RIT2: variants seen among roughly 807,000 people sequenced by gnomAD.
RIT2 encodes Ras like without CAAX 2, also known as GTP-binding protein Rit2.
Under a neutral mutation model 23.7 loss-of-function variants are expected in RIT2, and 24 were observed. The observed-to-expected ratio is 1.01, with a 90% CI of 0.73 to 1.43. RIT2 has a LOEUF of 1.43. Ranked by LOEUF, RIT2 falls within the 40% of genes most tolerant of loss-of-function variation. The pLI, the probability that RIT2 is intolerant of heterozygous loss-of-function variation, is 0.00. For synonymous variants in RIT2, 107 were observed against 91.1 expected (o/e 1.17, Z -0.99); for missense variants, 236 against 266.9 (o/e 0.88, Z 0.81).
chr18:43,007,670 A>G (rs1299667418), intron 2 of RIT2, among the ~76,000 whole-genome samples: 2 of 151,712 alleles, frequency 1.3e-5, no homozygotes, highest in Non-Finnish European at 3.0e-5. Flanking sequence ...TTGGAACATC[A>G]TTAAGGACAA....
In RIT2 at chr18:42,754,159, G is replaced by A. The variant is rs558315241; in HGVS notation, c.427-10439C>T. ...GTGAGGAGATGTCAGTAACTTCTTA[G>A]CACGTCCCTCTTTTAGGAGGGATTA... is the stretch of plus-strand genomic sequence containing the variant. On this transcript the variant is annotated intron_variant, in intron 4 of 4. Coordinates refer to ENST00000326695, the MANE Select transcript of RIT2 (RefSeq NM_002930.4). Among the ~76,000 whole-genome samples the A allele has an allele frequency of 7.9e-5, 12 of 152,282 alleles. No individual in the cohort carries two copies. The East Asian group carries it at 2.3e-3, about 29-fold the overall frequency.
At chr18:43,091,335 G>C (rs1043350442) in intron 1 of RIT2, among the ~76,000 whole-genome samples, 4 of 151,996 alleles carry the variant, frequency 2.6e-5, no homozygotes, top group African/African-American at 9.7e-5. Flanking sequence ...TTAAGACAGA[G>C]ACATGCTTTA....
At chr18:42,802,902 C>CT (rs974483112) in intron 4 of RIT2, among the ~76,000 whole-genome samples, 3 of 152,156 alleles carry the variant, frequency 2.0e-5, no homozygotes, top group African/African-American at 4.8e-5. Flanking sequence ...TTATTTCCAG[C>CT]TTTTTTTGTG....
intron 1 of RIT2, among the ~76,000 whole-genome samples, chr18:43,059,450 A>C (rs992996647): frequency 4.6e-5 from 7 of 152,168 alleles, no homozygotes; most frequent in African/African-American, 2.4e-5. Flanking sequence ...TCAGGAGTTA[A>C]TAGCAGTTAT....
intron 4 of RIT2, among the ~76,000 whole-genome samples, chr18:42,772,338 T>C (rs1208075193): frequency 6.6e-6 from 1 of 152,156 alleles, no homozygotes; most frequent in African/African-American, 2.4e-5. Flanking sequence ...ATAGTTTTTA[T>C]CTCAAAGTAA....
At chr18:42,912,685 T>C (rs927655081) in intron 4 of RIT2, among the ~76,000 whole-genome samples, 1 of 151,956 alleles carries the variant, frequency 6.6e-6, no homozygotes, top group Non-Finnish European at 1.5e-5. Flanking sequence ...CCATTTCCAT[T>C]ACTCCTAAGA....
intron 1 of RIT2, among the ~76,000 whole-genome samples, chr18:43,084,724 A>G (rs1030098086): frequency 1.3e-5 from 2 of 151,974 alleles, no homozygotes; most frequent in African/African-American, 2.4e-5. Flanking sequence ...ACACACTGGG[A>G]CCTGTCAGGG....
chr18:42,862,696 T>C (rs1433887555), intron 4 of RIT2, among the ~76,000 whole-genome samples: 1 of 152,228 alleles, frequency 6.6e-6, no homozygotes, highest in Non-Finnish European at 1.5e-5. Context: ...ATGTATTTTA[T>C]TGTGTGCTAC....
At chr18:42,830,254 A>C (rs17712831) in intron 4 of RIT2, among the ~76,000 whole-genome samples, 16,388 of 152,236 alleles carry the variant, frequency 0.11, 997 homozygotes, top group Middle Eastern at 0.24. Context: ...TACAAAGCCA[A>C]AGGTGCAGTT....
At chr18:42,874,696 T>C (rs1907701185) in intron 4 of RIT2, among the ~76,000 whole-genome samples, 1 of 152,152 alleles carries the variant, frequency 6.6e-6, no homozygotes, top group African/African-American at 2.4e-5. Context: ...ATCTTCATCA[T>C]ATCATGTTAT....
At chr18:42,923,814 T>A in intron 3 of RIT2, 51 bp from the exon 4 acceptor site, 1 of 1,365,798 alleles carries the variant, frequency 7.3e-7, no homozygotes, top group Admixed American at 2.1e-5. Flanking sequence ...TATAGCTAAT[T>A]AATATGAGGT....
intron 4 of RIT2, among the ~76,000 whole-genome samples, chr18:42,773,171 TA>T (rs1273810880): frequency 6.6e-6 from 1 of 151,658 alleles, no homozygotes; most frequent in African/African-American, 2.4e-5. Flanking sequence ...TGTATGTAAA[TA>T]AAGTGAAAGT....
At chr18:43,100,837 G>A (rs948323341) in intron 1 of RIT2, among the ~76,000 whole-genome samples, 1 of 151,938 alleles carries the variant, frequency 6.6e-6, no homozygotes, top group East Asian at 1.9e-4. Flanking sequence ...TAGTTTTGGG[G>A]AATTTTAGTC....
intron 1 of RIT2, among the ~76,000 whole-genome samples, chr18:43,040,017 A>G (rs1388226889): frequency 6.6e-6 from 1 of 152,190 alleles, no homozygotes; most frequent in African/African-American, 2.4e-5. Flanking sequence ...AGGCCGAGAG[A>G]AAAGTGTAAG....
intron 4 of RIT2, among the ~76,000 whole-genome samples, chr18:42,777,636 T>C (rs1913705456): frequency 2.0e-5 from 3 of 152,166 alleles, no homozygotes; most frequent in African/African-American, 7.2e-5. Flanking sequence ...ATACATATTG[T>C]CATTTAGATC....
At chr18:42,829,489 A>G (rs1906396593) in intron 4 of RIT2, among the ~76,000 whole-genome samples, 1 of 152,122 alleles carries the variant, frequency 6.6e-6, no homozygotes, top group African/African-American at 2.4e-5. Flanking sequence ...GTTGAGCCTA[A>G]ATTGCAAGGA....
chr18:42,767,681 G>C (rs147258715), intron 4 of RIT2, among the ~76,000 whole-genome samples: 1 of 152,008 alleles, frequency 6.6e-6, no homozygotes, highest in Non-Finnish European at 1.5e-5. Flanking sequence ...GAATGATGTG[G>C]TTTGGCTCTG....
chr18:43,009,239 CT>C (rs1187434787), intron 2 of RIT2, among the ~76,000 whole-genome samples: 3 of 151,524 alleles, frequency 2.0e-5, no homozygotes, highest in East Asian at 3.9e-4. Context: ...CAGTCACAAA[CT>C]TTTTTTTAAA....
At chr18:42,840,669 T>G (rs1453408845) in intron 4 of RIT2, among the ~76,000 whole-genome samples, 1 of 152,108 alleles carries the variant, frequency 6.6e-6, no homozygotes, top group African/African-American at 2.4e-5. Context: ...GCCTGGCTAA[T>G]TTTGTATTTT....
Sources: gnomAD v4.1 joint callset for allele counts (sites outside exome capture counted in the v4.1 genomes callset) on GRCh38, gnomAD v4.1.1 for gene constraint, MANE v1.5 for transcripts, NCBI Gene and HGNC (gene_info 2026-07-23, HGNC 2026-07-21) for gene names.